SNTG1: variants seen among roughly 807,000 people sequenced by gnomAD.
The protein encoded by SNTG1 is gamma-1-syntrophin.
In SNTG1, 39 loss-of-function variants were observed where a neutral mutation model predicts 74.7. The ratio of observed to expected loss-of-function variants is 0.52; its 90% CI spans 0.40 to 0.68. The LOEUF is 0.68. Among genes scored for constraint, SNTG1 ranks in the 30% least tolerant of loss-of-function variants. The pLI, the probability that SNTG1 is intolerant of heterozygous loss-of-function variation, is 0.00. For synonymous variants in SNTG1, 254 were observed against 217.1 expected (o/e 1.17, Z -1.49); for missense variants, 685 against 609.5 (o/e 1.12, Z -1.30).
At chr8:50,777,831 T>A (rs868367331) in intron 18 of SNTG1, among the ~76,000 whole-genome samples, 2 of 152,102 alleles carry the variant, frequency 1.3e-5, no homozygotes, top group African/African-American at 2.4e-5. Flanking sequence ...TAGGTATATC[T>A]CCTAAAGCTA....
intron 12 of SNTG1, among the ~76,000 whole-genome samples, chr8:50,571,010 C>T (rs761729197): frequency 6.6e-5 from 10 of 152,222 alleles, no homozygotes; most frequent in South Asian, 4.2e-4. Flanking sequence ...TCTACCCCTT[C>T]GCCAGCATCT....
chr8:50,205,751 G>A (rs186710194), intron 2 of SNTG1, among the ~76,000 whole-genome samples: 1 of 152,290 alleles, frequency 6.6e-6, no homozygotes, highest in Admixed American at 6.5e-5. Context: ...TGTGTAAGAT[G>A]TAAGGAAGGG....
chr8:50,168,102 TATG>T (rs1432262489), intron 1 of SNTG1, among the ~76,000 whole-genome samples: 1 of 152,158 alleles, frequency 6.6e-6, no homozygotes, highest in Non-Finnish European at 1.5e-5. Context: ...CTTTAATTTG[TATG>T]ATAACACTTA....
intron 2 of SNTG1, among the ~76,000 whole-genome samples, chr8:50,266,107 G>A (rs1045641478): frequency 6.6e-6 from 1 of 151,154 alleles, no homozygotes; most frequent in Non-Finnish European, 1.5e-5. Flanking sequence ...ATGTGGAAAT[G>A]CAAAGGACCT....
intron 1 of SNTG1, among the ~76,000 whole-genome samples, chr8:49,934,616 G>T (rs1439311399): frequency 6.6e-6 from 1 of 152,154 alleles, no homozygotes; most frequent in African/African-American, 2.4e-5. Flanking sequence ...GATAGAGTTT[G>T]CTCTGGAATG....
intron 9 of SNTG1, among the ~76,000 whole-genome samples, chr8:50,516,513 T>C (rs977854386): frequency 2.6e-5 from 4 of 152,050 alleles, no homozygotes; most frequent in Admixed American, 6.6e-5. Flanking sequence ...TAAGGGATCA[T>C]GTCCTATCCC....
chr8:50,413,430 A>G (rs538308393), intron 4 of SNTG1, among the ~76,000 whole-genome samples: 4 of 152,180 alleles, frequency 2.6e-5, no homozygotes, highest in Non-Finnish European at 5.9e-5. Context: ...GGAGTTTGAG[A>G]AAGTCTGCCA....
chr8:50,702,122 G>T (rs1340348142), intron 15 of SNTG1, among the ~76,000 whole-genome samples: 5 of 152,136 alleles, frequency 3.3e-5, no homozygotes, highest in Non-Finnish European at 5.9e-5. Context: ...AAATTGCTGG[G>T]ATTACTGACA....
intron 2 of SNTG1, among the ~76,000 whole-genome samples, chr8:50,251,906 T>A (rs2086662718): frequency 6.6e-6 from 1 of 152,070 alleles, no homozygotes; most frequent in Non-Finnish European, 1.5e-5. Context: ...GCTGCAGAAT[T>A]CCAAGTTTTC....
At chr8:50,729,862 T>C (rs2095508709) in intron 17 of SNTG1, among the ~76,000 whole-genome samples, 1 of 152,124 alleles carries the variant, frequency 6.6e-6, no homozygotes, top group Non-Finnish European at 1.5e-5. Flanking sequence ...ACATTTATAT[T>C]TCTATATCAC....
At chr8:50,142,933 G>T (rs2081722739) in intron 1 of SNTG1, among the ~76,000 whole-genome samples, 1 of 151,904 alleles carries the variant, frequency 6.6e-6, no homozygotes, top group Non-Finnish European at 1.5e-5. Flanking sequence ...AATTAGCTGG[G>T]TCTGGTGGCG....
intron 18 of SNTG1, among the ~76,000 whole-genome samples, chr8:50,771,954 T>C (rs1369017139): frequency 1.3e-5 from 2 of 152,094 alleles, no homozygotes; most frequent in African/African-American, 4.8e-5. Flanking sequence ...CAAGCCTTTA[T>C]TGACTGAGAT....
intron 1 of SNTG1, among the ~76,000 whole-genome samples, chr8:50,083,289 A>G (rs1822578712): frequency 6.6e-6 from 1 of 152,176 alleles, no homozygotes; most frequent in Non-Finnish European, 1.5e-5. Context: ...TTTGAGGGGA[A>G]GATTTGTCAA....
At chr8:50,298,430 C>G (rs898549367) in intron 2 of SNTG1, among the ~76,000 whole-genome samples, 1 of 152,094 alleles carries the variant, frequency 6.6e-6, no homozygotes, top group Admixed American at 6.6e-5. Context: ...GCCTTATTCC[C>G]TTTGTAAGCA....
chr8:50,512,149 G>A (rs1260567907), intron 9 of SNTG1, among the ~76,000 whole-genome samples: 1 of 152,036 alleles, frequency 6.6e-6, no homozygotes, highest in African/African-American at 2.4e-5. Flanking sequence ...TGTCTGTAAA[G>A]TATTTTATTT....
At chr8:50,277,922 C>G (rs910924289) in intron 2 of SNTG1, among the ~76,000 whole-genome samples, 1 of 152,082 alleles carries the variant, frequency 6.6e-6, no homozygotes, top group Non-Finnish European at 1.5e-5. Context: ...ACCTGTAATC[C>G]CAGCACTTTG....
At chr8:50,036,028 G>T (rs1454746397) in intron 1 of SNTG1, among the ~76,000 whole-genome samples, 1 of 152,056 alleles carries the variant, frequency 6.6e-6, no homozygotes, top group African/African-American at 2.4e-5. Flanking sequence ...AAAAAAATTG[G>T]TCTCTTTATG....
chr8:50,266,523 T>C (rs1223978676), intron 2 of SNTG1, among the ~76,000 whole-genome samples: 6 of 151,808 alleles, frequency 4.0e-5, no homozygotes, highest in Non-Finnish European at 7.4e-5. Context: ...AATTTGATTA[T>C]GCAATGACTT....
At chr8:50,014,988 A>T (rs1816175087) in intron 1 of SNTG1, among the ~76,000 whole-genome samples, 1 of 151,758 alleles carries the variant, frequency 6.6e-6, no homozygotes, top group East Asian at 1.9e-4. Context: ...GCATGCAAAG[A>T]AGTAGAAAAG....
Sources: gnomAD v4.1 joint callset for allele counts (sites outside exome capture counted in the v4.1 genomes callset) on GRCh38, gnomAD v4.1.1 for gene constraint, MANE v1.5 for transcripts, NCBI Gene and HGNC (gene_info 2026-07-23, HGNC 2026-07-21) for gene names.